BIN3: variants seen among roughly 807,000 people sequenced by gnomAD.
BIN3 encodes the protein bridging integrator 3.
A neutral mutation model predicts 38.2 loss-of-function variants in BIN3; 41 were observed. That is an observed-to-expected ratio of 1.07 (90% CI 0.84 to 1.39). The LOEUF (loss-of-function observed/expected upper bound fraction) is 1.39. BIN3 is among the 40% of genes most tolerant of loss of function. The probability of loss-of-function intolerance (pLI) is 0.00; values close to 1 mark genes in which losing one functional copy is unlikely to be tolerated. For synonymous variants in BIN3, 145 were observed against 122.6 expected, an observed-to-expected ratio of 1.18 and a Z score of -1.21; for missense variants, 361 against 324.3, an observed-to-expected ratio of 1.11 and a Z score of -0.87.
At chr8:22,668,157 G>C (rs978085793) in intron 1 of BIN3, among the ~76,000 whole-genome samples, 9 of 152,216 alleles carry the variant, frequency 5.9e-5, no homozygotes, top group African/African-American at 2.2e-4. Context: ...GGTAAGGTAA[G>C]GTGCTGCATA....
intron 1 of BIN3, among the ~76,000 whole-genome samples, chr8:22,667,179 C>T (rs1193509909): frequency 1.3e-5 from 2 of 152,102 alleles, no homozygotes; most frequent in Non-Finnish European, 2.9e-5. Flanking sequence ...AAGGAGATAC[C>T]AAGATGTGCA....
chr8:22,643,984 A>G (rs1802641872), intron 2 of BIN3, among the ~76,000 whole-genome samples: 1 of 152,256 alleles, frequency 6.6e-6, no homozygotes, highest in Admixed American at 6.5e-5. Flanking sequence ...TGCCCAGGGA[A>G]GCATGAGGCA....
chr8:22,658,027 G>A (rs558146986), intron 1 of BIN3, among the ~76,000 whole-genome samples: 13 of 152,236 alleles, frequency 8.5e-5, no homozygotes, highest in Middle Eastern at 3.2e-3. Context: ...AATCAGGGGC[G>A]TGGGCAGAGA....
intron 2 of BIN3, among the ~76,000 whole-genome samples, chr8:22,638,427 T>G (rs1802439569): frequency 6.6e-6 from 1 of 152,210 alleles, no homozygotes; most frequent in Non-Finnish European, 1.5e-5. Context: ...TGTTTCAAAT[T>G]TAAACAACAT....
chr8:22,645,533 G>GAGGAAAGGAA (rs558794584), intron 1 of BIN3, among the ~76,000 whole-genome samples: 1 of 150,954 alleles, frequency 6.6e-6, no homozygotes, highest in Non-Finnish European at 1.5e-5. Flanking sequence ...AGGGGAGGGG[G>GAGGAAAGGAA]AGGAAAGGAA....
intron 4 of BIN3, chr8:22,634,578 A>C (rs748410254): frequency 2.2e-6 from 1 of 455,940 alleles, no homozygotes; most frequent in Non-Finnish European, 4.4e-6. Flanking sequence ...GGACATTTCA[A>C]GGGTTTTCCT....
chr8:22,655,320 G>T (rs1411058617), intron 1 of BIN3, among the ~76,000 whole-genome samples: 1 of 152,102 alleles, frequency 6.6e-6, no homozygotes, highest in Admixed American at 6.5e-5. Context: ...TGTTGTTCAT[G>T]CTTTTGGTGT....
chr8:22,644,948 G>A lies in BIN3; in HGVS notation c.9-145C>T, dbSNP rs550377558. The A allele has an allele frequency of 9.0e-6, 6 of 668,496 alleles. No individual in the cohort carries two copies. The South Asian group carries it at 1.0e-4, about 11-fold the overall frequency. The allele number at this position is 668,496 out of a possible 1,614,324, so 41.4% of individuals were successfully genotyped here. A position where few individuals can be genotyped will look rare whatever the true frequency, so the allele number is the denominator to read the frequency against. ...CTACTTGGACCATGTGCCCTGGTGG[G>A]CATACAACCATTGGCATCTGGGCTT... is the stretch of plus-strand genomic sequence containing the variant. On this transcript the variant is annotated intron_variant, in intron 1 of 8. Coordinates refer to ENST00000276416, the MANE Select transcript of BIN3 (RefSeq NM_018688.6).
chr8:22,656,504 CAGTCTT>C (rs1282090738), intron 1 of BIN3, among the ~76,000 whole-genome samples: 1 of 152,188 alleles, frequency 6.6e-6, no homozygotes, highest in African/African-American at 2.4e-5. Context: ...TCCAGGTAGA[CAGTCTT>C]AGGGTATGAA....
intron 1 of BIN3, among the ~76,000 whole-genome samples, chr8:22,660,285 G>C (rs79491550): frequency 5.3e-5 from 8 of 152,240 alleles, no homozygotes; most frequent in Non-Finnish European, 1.2e-4. Flanking sequence ...AGAAGGGGTA[G>C]AAAATGGGTT....
At chr8:22,663,653 C>T (rs951696486) in intron 1 of BIN3, among the ~76,000 whole-genome samples, 7 of 152,122 alleles carry the variant, frequency 4.6e-5, no homozygotes, top group African/African-American at 1.7e-4. Context: ...CACTATATAA[C>T]GTGGCCCTGA....
In BIN3 at chr8:22,642,364, T is replaced by C. The variant is rs537504268; in HGVS notation, c.57+2391A>G. 2.0e-5 allele frequency among the ~76,000 whole-genome samples: 3 copies of C among 152,266 alleles called. No individual in the cohort carries two copies. In the South Asian group the frequency reaches 6.2e-4, roughly 32 times the overall value. ...GGGGGTGGTGGGTGGGGAATGAGACTGAAGAGGCAGGGTCTTACTACTTCT... is the reference window on the plus strand; with the variant it reads ...GGGGGTGGTGGGTGGGGAATGAGACCGAAGAGGCAGGGTCTTACTACTTCT... On this transcript the variant is annotated intron_variant, in intron 2 of 8. Transcript: ENST00000276416.
At chr8:22,644,073 G>A (rs900265) in intron 2 of BIN3, among the ~76,000 whole-genome samples, 149,752 of 152,364 alleles carry the variant, frequency 0.98, 73,591 homozygotes, top group East Asian at 1. Context: ...ATAACTTGAG[G>A]AAGTCATTGC....
chr8:22,666,781 G>A lies in BIN3; in HGVS notation c.8+2263C>T, dbSNP rs1357800763. ...ACAATGGTTACCCTCTGGGGACCAT[G>A]GGCCATGTGCCTTATTTAATGATGG... On this transcript the variant is annotated intron_variant, in intron 1 of 8. Transcript: ENST00000276416. Among the ~76,000 whole-genome samples, 11 of 152,182 alleles carry A rather than the reference G, an allele frequency of 7.2e-5. 1 individual carries two copies.
chr8:22,638,284 T>TG (rs1189044902), intron 2 of BIN3, among the ~76,000 whole-genome samples: 1 of 152,190 alleles, frequency 6.6e-6, no homozygotes, highest in Non-Finnish European at 1.5e-5. Context: ...AACATAGCCC[T>TG]GGAATGACAA....
chr8:22,668,563 T>C (rs1031012631), intron 1 of BIN3, among the ~76,000 whole-genome samples: 7 of 152,224 alleles, frequency 4.6e-5, no homozygotes, highest in Admixed American at 3.9e-4. Context: ...TTTCCTTGTC[T>C]TTTGAAGCCT....
At chr8:22,665,000 C>T (rs1397526370) in intron 1 of BIN3, among the ~76,000 whole-genome samples, 4 of 152,224 alleles carry the variant, frequency 2.6e-5, no homozygotes, top group East Asian at 3.8e-4. Flanking sequence ...ACTATGCGTA[C>T]AAAAAGATGA....
chr8:22,623,628 G>C (rs1251288719), intron 8 of BIN3, among the ~76,000 whole-genome samples: 1 of 152,246 alleles, frequency 6.6e-6, no homozygotes, highest in Non-Finnish European at 1.5e-5. Context: ...GCTACTTATA[G>C]TGAAATGTAG....
intron 5 of BIN3, 36 bp downstream of exon 5, chr8:22,630,406 G>C: frequency 6.2e-7 from 1 of 1,611,588 alleles, no homozygotes; most frequent in South Asian, 1.1e-5. Flanking sequence ...CCGGGCAGAA[G>C]TCATGCTTGC....
Sources: gnomAD v4.1 joint callset for allele counts (sites outside exome capture counted in the v4.1 genomes callset) on GRCh38, gnomAD v4.1.1 for gene constraint, MANE v1.5 for transcripts, NCBI Gene and HGNC (gene_info 2026-07-23, HGNC 2026-07-21) for gene names.